Variants in TULP2 observed in about 807,000 individuals in gnomAD.
TULP2 encodes the protein TUB like protein 2.
In TULP2, 64 loss-of-function variants were observed where a neutral mutation model predicts 60.3. That is an observed-to-expected ratio of 1.06 (90% CI 0.87 to 1.31). The LOEUF is 1.31. Among genes scored for constraint, TULP2 ranks in the 50% most tolerant of loss-of-function variants. The pLI, the probability that TULP2 is intolerant of heterozygous loss-of-function variation, is 0.00. For synonymous variants in TULP2, 267 were observed against 265.4 expected (o/e 1.01, Z -0.06); for missense variants, 652 against 667.0 (o/e 0.98, Z 0.25).
intron 9 of TULP2, among the ~76,000 whole-genome samples, chr19:48,884,616 C>A (rs1284357501): frequency 5.9e-5 from 9 of 151,390 alleles, no homozygotes; most frequent in African/African-American, 1.5e-4. Context: ...ACTAAAAATA[C>A]AAAATTAGCC....
Position 48,882,066 on chromosome 19 carries a change from C to T in TULP2, c.1413G>A (p.Ser471=), listed in dbSNP as rs769061792. 4.0e-5 allele frequency: 64 copies of T among 1,614,050 alleles called. No individual in the cohort carries two copies. The highest frequency in any genetic ancestry group is 5.2e-5 in the Non-Finnish European group (61 of 1,180,044). ...GATCCACGATTTGGAAGTTCTTCACCGAAGCCCGAGTGACTCGACCATGGA... is the reference window on the plus strand; with the variant it reads ...GATCCACGATTTGGAAGTTCTTCACTGAAGCCCGAGTGACTCGACCATGGA... ...LNFHGRVTRA[S]VKNFQIVDPK... is the part of the protein sequence containing the mutation. The change falls in exon 12 of 13, where the codon TCG becomes TCA. Residue 471 remains serine (S), a synonymous_variant. Coordinates refer to ENST00000221399, the MANE Select transcript of TULP2 (RefSeq NM_003323.3).
chr19:48,885,659 A>G (rs2037173418), intron 8 of TULP2, 99 bp from the exon 9 acceptor site: 6 of 1,003,394 alleles, frequency 6.0e-6, no homozygotes, highest in Non-Finnish European at 7.5e-6. Context: ...TGCGGCGGGC[A>G]GATCACTTGA....
chr19:48,888,193 G>A lies in TULP2; in HGVS notation c.705C>T (p.Asn235=), dbSNP rs751277906. 5.6e-6 allele frequency: 9 copies of A among 1,613,990 alleles called. No individual in the cohort carries two copies. The highest frequency in any genetic ancestry group is 4.4e-5 in the South Asian group (4 of 91,074). ...STGTNSSAAH[N]EELSKALKGE... ...CTTTCAGGGCCTTGGACAACTCTTC[G>A]TTGTGTGCTGCTGAGGAGTTCGTCC... Residue 235 remains asparagine, a synonymous_variant, in exon 8 of 13, where the codon AAC becomes AAT. Coordinates refer to ENST00000221399, the MANE Select transcript of TULP2 (RefSeq NM_003323.3).
chr19:48,886,533 T>C (rs1418079709), intron 8 of TULP2, among the ~76,000 whole-genome samples: 1 of 151,766 alleles, frequency 6.6e-6, no homozygotes, highest in Non-Finnish European at 1.5e-5. Context: ...ATGGGTTTGG[T>C]TGGCTCTGAG....
chr19:48,897,511 G>A lies in TULP2; in HGVS notation c.33-115C>T, dbSNP rs2037293710. 3 of 1,068,872 alleles carry A rather than the reference G, an allele frequency of 2.8e-6. No homozygotes were observed. Among genetic ancestry groups the A allele is most frequent in the Non-Finnish European group, 4.2e-6 (3 of 712,104 alleles). The allele number at this position is 1,068,872 out of a possible 1,614,324, so 66.2% of individuals were successfully genotyped here. ...AGCTTGGGTTCTGGGCACCTGTGAG[G>A]TCACAGGAGGTGCAGAACCTGAGCC... is the stretch of plus-strand genomic sequence containing the variant. On this transcript the variant is annotated intron_variant, in intron 2 of 12. Transcript: ENST00000221399. This position sits in a 1 kb window ranked among gnomAD's most constrained non-coding sequence, Gnocchi z 4.0.
chr19:48,881,849 G>GC, intron 12 of TULP2, 183 bp downstream of exon 12: 1 of 755,798 alleles, frequency 1.3e-6, no homozygotes, highest in Non-Finnish European at 2.1e-6. Flanking sequence ...GCTGAGCGGT[G>GC]CCCTTACTAA....
intron 3 of TULP2, 66 bp from the exon 4 acceptor site, chr19:48,896,622 G>T: frequency 6.7e-7 from 1 of 1,500,206 alleles, no homozygotes; most frequent in Non-Finnish European, 8.9e-7. Flanking sequence ...GTGAGGTGGG[G>T]CCTGGGGCAA....
chr19:48,885,603 G>T, intron 8 of TULP2, 43 bp from the exon 9 acceptor site: 1 of 1,578,164 alleles, frequency 6.3e-7, no homozygotes, highest in Non-Finnish European at 8.7e-7. Flanking sequence ...ACTTCTGGAT[G>T]CTGGGTGTGG....
At chr19:48,888,411 C>G in intron 7 of TULP2, 150 bp from the exon 8 acceptor site, 1 of 766,240 alleles carries the variant, frequency 1.3e-6, no homozygotes, top group Non-Finnish European at 2.0e-6. Flanking sequence ...CACCCAGTCA[C>G]GCCCTCCTCT....
At chr19:48,885,390 C>T in intron 9 of TULP2, 58 bp downstream of exon 9, 1 of 1,413,332 alleles carries the variant, frequency 7.1e-7, no homozygotes, top group Non-Finnish European at 1.0e-6. Context: ...AAATGGAGTC[C>T]CCCTGTCCCT....
At chr19:48,882,294 C>A in intron 11 of TULP2, 91 bp from the exon 12 acceptor site, 2 of 1,410,190 alleles carry the variant, frequency 1.4e-6, no homozygotes, top group South Asian at 2.5e-5. Context: ...AGGGGCGACT[C>A]CATCTTGAAC....
intron 11 of TULP2, among the ~76,000 whole-genome samples, chr19:48,882,635 G>A (rs1490874927): frequency 1.3e-5 from 2 of 152,120 alleles, no homozygotes; most frequent in East Asian, 3.8e-4. Context: ...CTCACGTTCT[G>A]TATTTGTCCC....
chr19:48,893,843 C>T (rs1391868883), intron 6 of TULP2, among the ~76,000 whole-genome samples: 2 of 151,888 alleles, frequency 1.3e-5, no homozygotes, highest in Non-Finnish European at 2.9e-5. Flanking sequence ...CGTGAGCCAC[C>T]GCGCCCAGCC....
chr19:48,893,480 G>A (rs9941490), intron 6 of TULP2, among the ~76,000 whole-genome samples: 47,823 of 152,014 alleles, frequency 0.31, 8,189 homozygotes, highest in African/African-American at 0.45. Context: ...TAAGAAGACA[G>A]TGGAGGTTGG....
In TULP2 at chr19:48,884,111, C is replaced by T. The variant is rs558008748; in HGVS notation, c.1062-65G>A. The T allele has an allele frequency of 1.0e-4, 133 of 1,298,724 alleles. 1 individual carries two copies. The South Asian group carries it at 1.5e-3, about 15-fold the overall frequency. 80.5% of individuals were successfully genotyped at this position (1,298,724 alleles called of 1,614,324 possible). On this transcript the variant is annotated intron_variant, in intron 9 of 12. Transcript: ENST00000221399. ...TGTTACTCTTTGAGTAAGTGTCACTCATCGCATCGACTCTTCCCATCAATC... is the reference window on the plus strand; with the variant it reads ...TGTTACTCTTTGAGTAAGTGTCACTTATCGCATCGACTCTTCCCATCAATC...
rs140445542 is a variant in TULP2 at position 48,885,193 on chromosome 19, G to A, written c.1061+255C>T. Among the ~76,000 whole-genome samples, 549 of 151,996 alleles carry A rather than the reference G, an allele frequency of 3.6e-3. 4 individuals are homozygous for A. The highest frequency in any genetic ancestry group is 0.012 in the African/African-American group (506 of 41,474). On this transcript the variant is annotated intron_variant, in intron 9 of 12. Coordinates refer to ENST00000221399, the MANE Select transcript of TULP2 (RefSeq NM_003323.3). ...TGAGATTATAGGCGTGAGCCACCTC[G>A]CCACTCCCTCTACCTTTTTGGATGC...
intron 12 of TULP2, 104 bp downstream of exon 12, chr19:48,881,928 G>C: frequency 6.7e-7 from 1 of 1,495,250 alleles, no homozygotes; most frequent in Non-Finnish European, 9.3e-7. Context: ...CATCTGCCCT[G>C]CCTAGAAAAA....
chr19:48,882,350 A>G (rs1056409920), intron 11 of TULP2, 147 bp from the exon 12 acceptor site: 12 of 805,018 alleles, frequency 1.5e-5, no homozygotes, highest in South Asian at 5.3e-5. Flanking sequence ...CTGCGTTCCC[A>G]GGAGGTTAGG....
In TULP2 at chr19:48,882,138, G is replaced by C. The variant is rs1389412710; in HGVS notation, c.1341C>G (p.Asn447Lys). The C allele has an allele frequency of 6.2e-7, 1 of 1,614,152 alleles. No individual in the cohort carries two copies. Among genetic ancestry groups the C allele is most frequent in the Non-Finnish European group, 8.5e-7 (1 of 1,180,020 alleles). The stretch of plus-strand genomic sequence containing the variant: ...TCTCCTTGTCCCACGACGGGGTTTT[G>C]TTGTGCAACAAAAGCAACCCTTGTT... ...GDKQGLLLLH[N>K]KTPSWDKENG... The change falls in exon 12 of 13, where the codon AAC becomes AAG. Residue 447 changes from asparagine (N) to lysine (K), a missense_variant. Transcript: ENST00000221399.
Sources: allele counts gnomAD v4.1 joint callset (sites outside exome capture counted in the v4.1 genomes callset), GRCh38; gene constraint gnomAD v4.1.1; non-coding constraint Gnocchi (gnomAD v3.1); transcripts MANE v1.5; gene names NCBI Gene and HGNC (gene_info 2026-07-23, HGNC 2026-07-21).